Variants in CTBP2 observed in about 807,000 individuals in gnomAD.
CTBP2 encodes the protein C-terminal-binding protein 2.
CTBP2 carries 30 observed loss-of-function variants against 80.3 expected under a neutral mutation model. That is an observed-to-expected ratio of 0.37 (90% confidence interval 0.28 to 0.51). The LOEUF is 0.51. Among genes scored for constraint, CTBP2 ranks in the 20% least tolerant of loss-of-function variants. The probability of loss-of-function intolerance (pLI) is 0.93; values close to 1 mark genes in which losing one functional copy is unlikely to be tolerated. For missense variants in CTBP2, 1,212 were observed against 1,375.3 expected, an observed-to-expected ratio of 0.88 and a Z score of 1.88; for synonymous variants, 594 against 587.4, an observed-to-expected ratio of 1.01 and a Z score of -0.16.
intron 2 of CTBP2, among the ~76,000 whole-genome samples, chr10:125,049,481 T>G (rs565872337): frequency 1.3e-5 from 2 of 152,322 alleles, no homozygotes; most frequent in African/African-American, 4.8e-5. Flanking sequence ...CTTCTCTTCA[T>G]GGCTCTGATG....
At position 125,083,520 on chromosome 10, in the gene CTBP2, C is replaced by A. The variant is rs184515727; in HGVS notation, c.-102+27470G>T. Among the ~76,000 whole-genome samples, 7 of 152,328 alleles carry A rather than the reference C, an allele frequency of 4.6e-5. No individual in the cohort carries two copies. In the East Asian group the frequency reaches 1.2e-3, roughly 25 times the overall value. On this transcript the variant is annotated intron_variant, in intron 2 of 10. Coordinates refer to the CTBP2 transcript ENST00000337195. ...CCTGTCTACAAAAAAGGAAAAGATA[C>A]CACATTACCGTGACCATCTAGTCTA...
intron 2 of CTBP2, among the ~76,000 whole-genome samples, chr10:125,064,856 G>A (rs544973078): frequency 2.0e-5 from 3 of 152,326 alleles, no homozygotes; most frequent in East Asian, 1.9e-4. Flanking sequence ...TTCTGGTTTG[G>A]TGACTTAGCT....
intron 2 of CTBP2, among the ~76,000 whole-genome samples, chr10:125,056,234 A>G (rs1963912100): frequency 2.6e-5 from 4 of 152,064 alleles, no homozygotes; most frequent in South Asian, 4.1e-4. Context: ...AAAAGCAGCT[A>G]CCACTTCTAG....
intron 1 of CTBP2, among the ~76,000 whole-genome samples, chr10:125,008,843 T>G (rs1467134638): frequency 6.6e-6 from 1 of 152,260 alleles, no homozygotes; most frequent in African/African-American, 2.4e-5. Flanking sequence ...CTCCCGCAAT[T>G]TAGCCTAAAT....
In CTBP2 at chr10:125,083,398, C is replaced by CT. The variant is rs144820201; in HGVS notation, c.-102+27591dup. Among the ~76,000 whole-genome samples, 25 of 152,322 alleles carry CT rather than the reference C, an allele frequency of 1.6e-4. 1 individual carries two copies. The East Asian group carries it at 4.8e-3, about 29-fold the overall frequency. The stretch of plus-strand genomic sequence containing the variant: ...TTCCACAGGCACCACTGCTGAGCCT[C>CT]TGAGTTCCCAGGACAGGGCTGTCCG... On this transcript the variant is annotated intron_variant, in intron 2 of 10. Transcript: ENST00000337195.
rs550973835 is a variant in CTBP2 at position 125,013,180 on chromosome 10, G to A, written c.1679-9688C>T. 2.8e-4 allele frequency among the ~76,000 whole-genome samples: 43 copies of A among 152,326 alleles called. 1 individual carries two copies. The South Asian group carries it at 8.5e-3, about 30-fold the overall frequency. On this transcript the variant is annotated intron_variant, in intron 1 of 8. Coordinates refer to ENST00000309035, the MANE Select transcript of CTBP2 (RefSeq NM_022802.3). ...CGAGTTGTGAGGTGGTCTGGAGCCT[G>A]TTGGAAAGACCACCAAGAATGCCCA...
At chr10:125,147,914 T>G (rs1859084339) in intron 1 of CTBP2, among the ~76,000 whole-genome samples, 1 of 151,926 alleles carries the variant, frequency 6.6e-6, no homozygotes, top group Non-Finnish European at 1.5e-5. Context: ...AAAAAAAAAT[T>G]CTAACAAACA....
At chr10:125,084,449 C>A (rs1307425390) in intron 2 of CTBP2, among the ~76,000 whole-genome samples, 10 of 152,140 alleles carry the variant, frequency 6.6e-5, no homozygotes, top group African/African-American at 1.9e-4. Context: ...TGTGCCTACC[C>A]CAGGAGGGGC....
intron 3 of CTBP2, among the ~76,000 whole-genome samples, 166 bp downstream of exon 5, chr10:125,002,794 G>A (rs1475660073): frequency 2.0e-5 from 3 of 152,216 alleles, no homozygotes; most frequent in Non-Finnish European, 4.4e-5. Context: ...GTCATGTGAA[G>A]GCAGGGCCGC....
intron 1 of CTBP2, among the ~76,000 whole-genome samples, chr10:125,157,682 T>C (rs1325209248): frequency 6.6e-6 from 1 of 152,192 alleles, no homozygotes; most frequent in Non-Finnish European, 1.5e-5. Context: ...ACTTACACTC[T>C]ACAGAAATAT....
At chr10:125,100,078 C>T (rs1368840390) in intron 2 of CTBP2, among the ~76,000 whole-genome samples, 2 of 152,176 alleles carry the variant, frequency 1.3e-5, no homozygotes, top group South Asian at 2.1e-4. Flanking sequence ...ACTGTGTTAA[C>T]GGCATGCACA....
At position 125,116,173 on chromosome 10, in the gene CTBP2, C is replaced by T. The variant is rs1003365085; in HGVS notation, c.-205-5080G>A. On this transcript the variant is annotated intron_variant, in intron 1 of 10. Coordinates refer to the CTBP2 transcript ENST00000337195. ...CCGAACCCAGCACTCAGCCCCCGCC[C>T]CACTGTTGCCCAAACCACCGAATGA... Among the ~76,000 whole-genome samples, 45 of 152,128 alleles carry T rather than the reference C, an allele frequency of 3.0e-4. 1 individual carries two copies. The highest frequency in any genetic ancestry group is 1.1e-3 in the African/African-American group (45 of 41,420).
intron 2 of CTBP2, among the ~76,000 whole-genome samples, chr10:125,045,480 G>T (rs1311470982): frequency 6.6e-6 from 1 of 152,000 alleles, no homozygotes; most frequent in Non-Finnish European, 1.5e-5. Context: ...CTCTCCAAGG[G>T]CCCCCATACC....
At chr10:125,020,805 T>C (rs1317360427) in intron 1 of CTBP2, among the ~76,000 whole-genome samples, 1 of 152,202 alleles carries the variant, frequency 6.6e-6, no homozygotes, top group Non-Finnish European at 1.5e-5. Context: ...GCCAGACTCC[T>C]GGTCAGATCA....
chr10:125,116,323 T>C (rs1241764895), intron 1 of CTBP2, among the ~76,000 whole-genome samples: 1 of 152,196 alleles, frequency 6.6e-6, no homozygotes, highest in Non-Finnish European at 1.5e-5. Flanking sequence ...GCATGGTGTC[T>C]GTTAGGACGA....
chr10:125,072,573 A>G (rs1297136727), intron 2 of CTBP2, among the ~76,000 whole-genome samples: 5 of 140,888 alleles, frequency 3.5e-5, no homozygotes, highest in African/African-American at 1.3e-4. Context: ...CCAGGATTGC[A>G]CCACTGCACT....
chr10:125,143,646 G>A (rs1024385096), intron 1 of CTBP2, among the ~76,000 whole-genome samples: 7 of 148,690 alleles, frequency 4.7e-5, no homozygotes, highest in African/African-American at 1.0e-4. Flanking sequence ...CTGCTTAATC[G>A]GGAAGTGTAC....
chr10:125,100,922 CTTG>C (rs1370039609), intron 2 of CTBP2: 3 of 152,178 alleles, frequency 2.0e-5, no homozygotes, highest in Non-Finnish European at 4.4e-5. Context: ...TCCAAACTGT[CTTG>C]TTATTACTAC....
chr10:125,159,553 G>A (rs1054403133), intron 1 of CTBP2, among the ~76,000 whole-genome samples: 3 of 149,974 alleles, frequency 2.0e-5, no homozygotes, highest in African/African-American at 7.3e-5. Flanking sequence ...CAACAATGCG[G>A]GGCCGGCAAA....
Sources: allele counts gnomAD v4.1 joint callset (sites outside exome capture counted in the v4.1 genomes callset), GRCh38; gene constraint gnomAD v4.1.1; transcripts MANE v1.5; gene names NCBI Gene and HGNC (gene_info 2026-07-23, HGNC 2026-07-21).